Variants in SLC13A4 observed in about 807,000 individuals in gnomAD.
SLC13A4 encodes Na(+)/sulfate cotransporter SUT-1.
In SLC13A4, 28 loss-of-function variants were observed where a neutral mutation model predicts 72.7. That is an observed-to-expected ratio of 0.39 (90% confidence interval 0.29 to 0.53). The LOEUF is 0.53. SLC13A4 is among the 20% of genes least tolerant of loss of function. The pLI, the probability that SLC13A4 is intolerant of heterozygous loss-of-function variation, is 0.78. For synonymous variants in SLC13A4, 312 were observed against 325.5 expected (o/e 0.96, Z 0.45); for missense variants, 653 against 788.0 (o/e 0.83, Z 2.05).
At chr7:135,696,470 T>C (rs1795907372) in intron 8 of SLC13A4, among the ~76,000 whole-genome samples, 1 of 152,146 alleles carries the variant, frequency 6.6e-6, no homozygotes, top group South Asian at 2.1e-4. Context: ...TGCCTCAGCC[T>C]CCCAAGTAGC....
At chr7:135,695,678 C>G (rs1448567178) in intron 8 of SLC13A4, among the ~76,000 whole-genome samples, 191 bp from the exon 9 acceptor site, 1 of 152,122 alleles carries the variant, frequency 6.6e-6, no homozygotes, top group Non-Finnish European at 1.5e-5. Flanking sequence ...AGACAAGAAT[C>G]ATGAAACTAG....
At position 135,692,290 on chromosome 7, in the gene SLC13A4, G is replaced by T. The variant is rs114370897; in HGVS notation, c.1223+33C>A. 1,200 of 1,450,146 alleles carry T rather than the reference G, an allele frequency of 8.3e-4. 7 individuals are homozygous for T. The African/African-American group carries it at 0.015, about 18-fold the overall frequency. 89.8% of individuals were successfully genotyped at this position (1,450,146 alleles called of 1,614,324 possible). ...CTTGCCTGAAGAATTGGGGTGAGGG[G>T]GTTGTTCTTAAGGAGGAAATGATAT... On this transcript the variant is annotated intron_variant, in intron 11 of 15. Coordinates refer to ENST00000682651, the MANE Select transcript of SLC13A4 (RefSeq NM_001318192.2).
chr7:135,681,708 A>T lies in SLC13A4; in HGVS notation c.1747-8T>A. 1 of 1,612,036 alleles carries T rather than the reference A, an allele frequency of 6.2e-7. No individual in the cohort carries two copies. Among genetic ancestry groups the T allele is most frequent in the East Asian group, 2.2e-5 (1 of 44,882 alleles). ...TCCCAGGCCAGCTTTCACCTGCAGG[A>T]CACAAACCAGCACACCCTAGTCACT... On this transcript the variant is annotated splice_region_variant and splice_polypyrimidine_tract_variant and intron_variant, in intron 15 of 15. Coordinates refer to ENST00000682651, the MANE Select transcript of SLC13A4 (RefSeq NM_001318192.2).
chr7:135,713,765 C>CGG (rs1035060539), intron 2 of SLC13A4, among the ~76,000 whole-genome samples: 13 of 152,094 alleles, frequency 8.5e-5, no homozygotes, highest in African/African-American at 2.9e-4. Context: ...TCAGTAGAGA[C>CGG]GGGGTTTCGC....
At chr7:135,701,091 C>T (rs547580855) in intron 7 of SLC13A4, among the ~76,000 whole-genome samples, 1 of 152,258 alleles carries the variant, frequency 6.6e-6, no homozygotes, top group East Asian at 1.9e-4. Context: ...AGCTCAAAAT[C>T]GCTACCTCAT....
intron 13 of SLC13A4, among the ~76,000 whole-genome samples, chr7:135,690,461 G>A (rs1795756102): frequency 6.6e-6 from 1 of 152,106 alleles, no homozygotes; most frequent in African/African-American, 2.4e-5. Context: ...ATGTATTGTG[G>A]ACAGACAGTT....
chr7:135,695,024 T>G (rs992096815), intron 9 of SLC13A4, among the ~76,000 whole-genome samples: 1 of 152,218 alleles, frequency 6.6e-6, no homozygotes, highest in African/African-American at 2.4e-5. Flanking sequence ...TATTTCCTAT[T>G]TCTTGGAGTA....
chr7:135,725,485 T>G (rs1796635836), intron 1 of SLC13A4, among the ~76,000 whole-genome samples: 1 of 152,130 alleles, frequency 6.6e-6, no homozygotes, highest in Non-Finnish European at 1.5e-5. Context: ...GACCTCTAGT[T>G]TTAGAGAGTT....
intron 1 of SLC13A4, among the ~76,000 whole-genome samples, chr7:135,723,899 G>T (rs1796597679): frequency 6.6e-6 from 1 of 152,026 alleles, no homozygotes; most frequent in African/African-American, 2.4e-5. Context: ...TAAGACAACA[G>T]AACCAATGGT....
At chr7:135,706,710 C>T (rs964246237) in intron 3 of SLC13A4, among the ~76,000 whole-genome samples, 1 of 152,124 alleles carries the variant, frequency 6.6e-6, no homozygotes, top group South Asian at 2.1e-4. Context: ...CTGTGAGCGC[C>T]ACGGCACTCC....
intron 2 of SLC13A4, among the ~76,000 whole-genome samples, chr7:135,710,504 T>C (rs926042590): frequency 4.0e-5 from 6 of 148,160 alleles, no homozygotes; most frequent in Non-Finnish European, 7.4e-5. Flanking sequence ...GAATATCATA[T>C]GGGAATGGAG....
Position 135,727,629 on chromosome 7 carries a change from G to T in SLC13A4, c.-133C>A, listed in dbSNP as rs1475734041. The T allele has an allele frequency of 6.0e-6, 7 of 1,159,050 alleles. No individual in the cohort carries two copies. In the Admixed American group the frequency reaches 1.6e-4, roughly 26 times the overall value. The allele number at this position is 1,159,050 out of a possible 1,614,324, so 71.8% of individuals were successfully genotyped here. ...CTTCCGAGAGTCCTCCTTCGTCTTG[G>T]GGGCAGAACGGGAGGGCAGTTATAC... On this transcript the variant is annotated 5_prime_UTR_variant, in exon 1 of 16. Transcript: ENST00000682651.
intron 15 of SLC13A4, chr7:135,683,678 G>A (rs890299692): frequency 1.0e-5 from 10 of 985,298 alleles, no homozygotes; most frequent in Admixed American, 6.1e-5. Context: ...GGGCCGGGGT[G>A]GAGGGTGAGT....
chr7:135,699,840 T>C (rs1203227770), intron 7 of SLC13A4, among the ~76,000 whole-genome samples: 9 of 152,210 alleles, frequency 5.9e-5, no homozygotes, highest in Admixed American at 5.2e-4. Context: ...TAGGCTATTA[T>C]TATTTTTGTG....
intron 6 of SLC13A4, chr7:135,702,075 T>C (rs1468431434): frequency 5.6e-6 from 1 of 179,426 alleles, no homozygotes; most frequent in Non-Finnish European, 1.1e-5. Context: ...AAAAAGAAAA[T>C]AAAAAAAAAA....
At chr7:135,710,129 C>A (rs1258604628) in intron 2 of SLC13A4, among the ~76,000 whole-genome samples, 2 of 152,032 alleles carry the variant, frequency 1.3e-5, no homozygotes. Context: ...AGTGAGAAAA[C>A]AAGAACATTT....
intron 13 of SLC13A4, among the ~76,000 whole-genome samples, chr7:135,689,901 C>CG (rs1390679121): frequency 6.6e-6 from 1 of 151,834 alleles, no homozygotes; most frequent in Non-Finnish European, 1.5e-5. Context: ...TGAACCAAGC[C>CG]GGGCACAGTG....
chr7:135,723,111 G>T (rs1463466555), intron 1 of SLC13A4, among the ~76,000 whole-genome samples: 1 of 152,158 alleles, frequency 6.6e-6, no homozygotes, highest in African/African-American at 2.4e-5. Flanking sequence ...CCCTTGGGGA[G>T]GTAAAATGAT....
intron 3 of SLC13A4, among the ~76,000 whole-genome samples, 194 bp from the exon 4 acceptor site, chr7:135,706,494 C>T (rs1796165318): frequency 6.6e-6 from 1 of 152,254 alleles, no homozygotes; most frequent in Non-Finnish European, 1.5e-5. Context: ...AGCAATACTT[C>T]TTGAATGAAT....
Sources: allele counts gnomAD v4.1 joint callset (sites outside exome capture counted in the v4.1 genomes callset), GRCh38; gene constraint gnomAD v4.1.1; transcripts MANE v1.5; gene names NCBI Gene and HGNC (gene_info 2026-07-23, HGNC 2026-07-21).